The following FARP1 variants were observed in gnomAD, a reference collection of about 807,000 sequenced individuals.
FARP1 encodes FERM, ARHGEF and pleckstrin domain-containing protein 1.
In FARP1, 52 loss-of-function variants were observed where a neutral mutation model predicts 128.8. The observed-to-expected ratio is 0.40, with a 90% CI of 0.32 to 0.51. FARP1 has a LOEUF of 0.51. Ranked by LOEUF, FARP1 falls within the 20% of genes least tolerant of loss-of-function variation. FARP1 has a pLI of 0.45. For missense variants in FARP1, 1,333 were observed against 1,367.9 expected (o/e 0.97, Z 0.40); for synonymous variants, 580 against 551.8 (o/e 1.05, Z -0.72).
intron 2 of FARP1, among the ~76,000 whole-genome samples, chr13:98,240,187 T>C (rs1247396942): frequency 6.6e-6 from 1 of 152,190 alleles, no homozygotes; most frequent in Non-Finnish European, 1.5e-5. Context: ...GCATGAGTTA[T>C]TAGCACAACC....
rs757002188 is a variant in FARP1 at position 98,176,507 on chromosome 13, C to G, written c.-24+33015C>G. 1 of 1,614,188 alleles carries G rather than the reference C, an allele frequency of 6.2e-7. No homozygotes were observed. The highest frequency in any genetic ancestry group is 8.5e-7 in the Non-Finnish European group (1 of 1,180,034). On this transcript the variant is annotated intron_variant, in intron 1 of 26. Transcript: ENST00000319562. This position sits in a 1 kb window ranked among gnomAD's most constrained non-coding sequence, Gnocchi z 6.2. ...ATTTCCTCTTCCTCGCTTCCCACTT[C>G]ATGGTTTTCGTCCTCGCAGATACAG...
intron 2 of FARP1, among the ~76,000 whole-genome samples, chr13:98,302,818 G>T (rs1885978819): frequency 6.6e-6 from 1 of 152,166 alleles, no homozygotes; most frequent in Non-Finnish European, 1.5e-5. Context: ...AGCTGTGGGT[G>T]CTTTGAAACC....
rs751089952 is a variant in FARP1 at position 98,431,271 on chromosome 13, G to A, written c.2134G>A (p.Asp712Asn). ...CCCGCCGAGCCACGCCGACTTCAGG[G>A]ACTGCCGAGGTGAGTGCTGGGAGCC... ...HHPPSHADFR[D>N]CRAALAEITE... Residue 712 changes from aspartate to asparagine, a missense_variant, in exon 18 of 27, where the codon GAC becomes AAC. This residue lies in a region of FARP1 where 1,009 missense variants were observed against 969.8 expected (regional missense o/e 1.04). Transcript: ENST00000319562. 1 of 1,586,610 alleles carries A rather than the reference G, an allele frequency of 6.3e-7. No homozygotes were observed. The highest frequency in any genetic ancestry group is 8.6e-7 in the Non-Finnish European group (1 of 1,167,174).
chr13:98,349,392 G>T (rs574166909), intron 3 of FARP1, among the ~76,000 whole-genome samples: 12 of 152,228 alleles, frequency 7.9e-5, no homozygotes, highest in African/African-American at 2.6e-4. Context: ...TGACATTGTG[G>T]CTGGGTGGGT....
At chr13:98,391,007 T>C in intron 11 of FARP1, 127 bp downstream of exon 11, 1 of 692,844 alleles carries the variant, frequency 1.4e-6, no homozygotes, top group South Asian at 1.8e-5. Flanking sequence ...TAAATGATAG[T>C]CTCAGTCATC....
intron 1 of FARP1, among the ~76,000 whole-genome samples, chr13:98,167,405 CTTTTTTTTTT>C (rs11388623): frequency 7.7e-6 from 1 of 129,782 alleles, no homozygotes; most frequent in Non-Finnish European, 1.6e-5. Flanking sequence ...AACAGTTTTA[CTTTTTTTTTT>C]TTTTTTTGGA....
intron 4 of FARP1, 131 bp downstream of exon 4, chr13:98,365,568 C>T: frequency 3.5e-6 from 2 of 579,412 alleles, no homozygotes. Context: ...TGCTTTTCAT[C>T]ATCGACTAAT....
chr13:98,388,399 A>T lies in FARP1; in HGVS notation c.776A>T (p.Asn259Ile). The T allele has an allele frequency of 6.2e-7, 1 of 1,613,916 alleles. No individual in the cohort carries two copies. Among genetic ancestry groups the T allele is most frequent in the Non-Finnish European group, 8.5e-7 (1 of 1,179,762 alleles). The change falls in exon 9 of 27, where the codon AAT becomes ATT. Residue 259 changes from asparagine (N) to isoleucine (I), a missense_variant. Physicochemically the swap from Asn to Ile is moderately radical, Grantham distance 149. Around this residue, in one of 2 missense-constraint regions of FARP1, gnomAD observed 324 missense variants for 398.1 expected, o/e 0.81. Coordinates refer to ENST00000319562, the MANE Select transcript of FARP1 (RefSeq NM_005766.4). ...ILVFQGFTKINAFNWAKVRKL... is the reference protein window; with the variant it reads ...ILVFQGFTKIIAFNWAKVRKL... ...TCTTTTTAGGGTTTCACTAAGATCA[A>T]TGCCTTCAACTGGGCCAAGGTGCGG... is the stretch of plus-strand genomic sequence containing the variant.
intron 3 of FARP1, chr13:98,345,668 C>G (rs1201603007): frequency 2.0e-5 from 3 of 152,222 alleles, no homozygotes; most frequent in African/African-American, 7.2e-5. Flanking sequence ...TTCCTATGTG[C>G]TGGAGTGTTC....
At chr13:98,273,929 A>G (rs967029394) in intron 2 of FARP1, among the ~76,000 whole-genome samples, 6 of 152,210 alleles carry the variant, frequency 3.9e-5, no homozygotes, top group Non-Finnish European at 1.5e-5. Context: ...ATGGCGGTCA[A>G]TGACAGACTT....
At chr13:98,244,929 T>G in intron 2 of FARP1, 1 of 1,368,222 alleles carries the variant, frequency 7.3e-7, no homozygotes, top group Non-Finnish European at 9.4e-7. Context: ...TTTGATCTAC[T>G]AGATTTGGTG....
chr13:98,167,747 A>G (rs1877373731), intron 1 of FARP1, among the ~76,000 whole-genome samples: 1 of 152,162 alleles, frequency 6.6e-6, no homozygotes. Flanking sequence ...GTCTTCTAGA[A>G]CTTTATGATT....
At chr13:98,203,793 G>A (rs1880100331) in intron 1 of FARP1, 1 of 152,178 alleles carries the variant, frequency 6.6e-6, no homozygotes, top group South Asian at 2.1e-4. Flanking sequence ...CAGGAGAAGG[G>A]TTTGCTGGGT....
intron 1 of FARP1, among the ~76,000 whole-genome samples, chr13:98,154,261 T>A (rs1438129016): frequency 6.6e-6 from 1 of 152,250 alleles, no homozygotes; most frequent in East Asian, 1.9e-4. Context: ...TTGATATGGA[T>A]GAAGTTTGAT....
chr13:98,373,533 G>GCC (rs1555341450), intron 5 of FARP1, among the ~76,000 whole-genome samples: 2 of 130,984 alleles, frequency 1.5e-5, no homozygotes, highest in African/African-American at 5.9e-5. Flanking sequence ...CAGACAGACA[G>GCC]ACACACACAC....
intron 16 of FARP1, among the ~76,000 whole-genome samples, chr13:98,423,529 TA>T (rs1891671170): frequency 6.6e-6 from 1 of 152,232 alleles, no homozygotes; most frequent in African/African-American, 2.4e-5. Flanking sequence ...AACCATGTTT[TA>T]ATTGTCTCTG....
intron 16 of FARP1, among the ~76,000 whole-genome samples, chr13:98,414,458 C>T (rs1891303457): frequency 6.6e-6 from 1 of 152,064 alleles, no homozygotes; most frequent in African/African-American, 2.4e-5. Context: ...GCAGGAATTC[C>T]AAGGGAAAAA....
At chr13:98,161,626 T>C (rs571218909) in intron 1 of FARP1, among the ~76,000 whole-genome samples, 1 of 151,950 alleles carries the variant, frequency 6.6e-6, no homozygotes, top group Non-Finnish European at 1.5e-5. Flanking sequence ...GGGAAGGGGG[T>C]TCCCAGATGT....
At chr13:98,361,597 C>T (rs1345583205) in intron 3 of FARP1, among the ~76,000 whole-genome samples, 2 of 152,198 alleles carry the variant, frequency 1.3e-5, no homozygotes, top group African/African-American at 2.4e-5. Flanking sequence ...CTCACCCTCT[C>T]AGGCAGCATG....
Sources: allele counts gnomAD v4.1 joint callset (sites outside exome capture counted in the v4.1 genomes callset), GRCh38; gene constraint gnomAD v4.1.1; regional missense constraint gnomAD v4.1.1; non-coding constraint Gnocchi (gnomAD v3.1); transcripts MANE v1.5; gene names NCBI Gene and HGNC (gene_info 2026-07-23, HGNC 2026-07-21).